The following FOXP1 variants were observed in gnomAD, a reference collection of about 807,000 sequenced individuals.
FOXP1 encodes the protein forkhead box P1, also known as forkhead box protein P1.
A neutral mutation model predicts 98.2 loss-of-function variants in FOXP1; 15 were observed. The ratio of observed to expected loss-of-function variants is 0.15; its 90% CI spans 0.10 to 0.24. FOXP1 has a LOEUF of 0.24. FOXP1 is among the 10% of genes least tolerant of loss of function. FOXP1 has a pLI of 1.00. For synonymous variants in FOXP1, 371 were observed against 314.5 expected (o/e 1.18, Z -1.90); for missense variants, 633 against 848.5 (o/e 0.75, Z 3.15).
Position 71,345,137 on chromosome 3 carries a change from C to T in FOXP1, c.-73+14013G>A, listed in dbSNP as rs373504556. ...GGGTGTGGTGGCTCACGCCTGTAAT[C>T]CCAGCACTTTGGGAGGCCAAGGCAG... On this transcript the variant is annotated intron_variant, in intron 4 of 20. Transcript: ENST00000649528. Among the ~76,000 whole-genome samples the T allele has an allele frequency of 2.6e-5, 4 of 152,192 alleles. No individual in the cohort carries two copies. In the South Asian group the frequency reaches 8.3e-4, roughly 32 times the overall value.
chr3:71,032,354 G>C (rs1280389026), intron 11 of FOXP1, among the ~76,000 whole-genome samples: 1 of 152,240 alleles, frequency 6.6e-6, no homozygotes, highest in African/African-American at 2.4e-5. Context: ...TTACAGTTAA[G>C]AGAATTCTCT....
intron 14 of FOXP1, among the ~76,000 whole-genome samples, chr3:70,982,016 T>G (rs1260058348): frequency 6.6e-6 from 1 of 152,164 alleles, no homozygotes; most frequent in Admixed American, 6.5e-5. Context: ...CTTTTAAACT[T>G]CTGTTTGATG....
chr3:71,136,626 C>T (rs1260595877), intron 6 of FOXP1, among the ~76,000 whole-genome samples: 2 of 152,184 alleles, frequency 1.3e-5, no homozygotes, highest in African/African-American at 2.4e-5. Flanking sequence ...CTGTAATCAG[C>T]TTCAGTAGAC....
intron 2 of FOXP1, among the ~76,000 whole-genome samples, chr3:71,545,554 G>T (rs2045292082): frequency 6.6e-6 from 1 of 152,120 alleles, no homozygotes; most frequent in Non-Finnish European, 1.5e-5. Flanking sequence ...ACTGCCTTAT[G>T]CAAATATTTA....
intron 6 of FOXP1, among the ~76,000 whole-genome samples, chr3:71,184,093 G>T (rs961322546): frequency 1.4e-4 from 22 of 152,070 alleles, no homozygotes; most frequent in Non-Finnish European, 2.2e-4. Context: ...CGGAGGTTGT[G>T]GTAAGCTGAG....
chr3:71,446,063 GAGTGAGTGAGTGAGT>G (rs2086396704), intron 3 of FOXP1, among the ~76,000 whole-genome samples: 2 of 151,866 alleles, frequency 1.3e-5, no homozygotes, highest in African/African-American at 4.8e-5. Context: ...GTGAGTGAGT[GAGTGAGTGAGTGAGT>G]GAGTGAATGA....
chr3:71,236,387 T>C (rs1340694840), intron 5 of FOXP1, among the ~76,000 whole-genome samples: 2 of 152,324 alleles, frequency 1.3e-5, no homozygotes, highest in East Asian at 1.9e-4. Flanking sequence ...CATGCTTTCA[T>C]TGCAGTTCTC....
At chr3:71,147,934 T>C (rs919559957) in intron 6 of FOXP1, among the ~76,000 whole-genome samples, 1 of 152,148 alleles carries the variant, frequency 6.6e-6, no homozygotes, top group African/African-American at 2.4e-5. Flanking sequence ...TAAAACAGCA[T>C]AGCAAAGACA....
At chr3:71,360,694 A>G (rs2078497134) in intron 3 of FOXP1, 1 of 152,144 alleles carries the variant, frequency 6.6e-6, no homozygotes, top group African/African-American at 2.4e-5. Context: ...GGAACTATAG[A>G]ATGGGTAGAA....
At chr3:71,126,884 C>A (rs13080355) in intron 6 of FOXP1, among the ~76,000 whole-genome samples, 158 of 79,954 alleles carry the variant, frequency 2.0e-3, no homozygotes, top group African/African-American at 3.2e-3. Flanking sequence ...AAAAAAAAAA[C>A]AAAAACAAAA....
chr3:71,099,277 G>A (rs1356226899), intron 7 of FOXP1, among the ~76,000 whole-genome samples: 2 of 152,124 alleles, frequency 1.3e-5, no homozygotes, highest in Non-Finnish European at 2.9e-5. Flanking sequence ...GTGGGAGGCC[G>A]AGGTGGGCAA....
rs187770635 is a variant in FOXP1, at chr3:71,110,218, A to C, written c.282+2318T>G. Among the ~76,000 whole-genome samples, 95 of 152,338 alleles carry C rather than the reference A, an allele frequency of 6.2e-4. 1 individual carries two copies. In the East Asian group the frequency reaches 0.016, roughly 25 times the overall value. On this transcript the variant is annotated intron_variant, in intron 7 of 20. Coordinates refer to ENST00000649528, the MANE Select transcript of FOXP1 (RefSeq NM_001349338.3). ...ATTTAGCCCTCAAGGAACTTCGTTCATCTTGGAAAAGAAGTTACCTAAAAA... is the reference window on the plus strand; with the variant it reads ...ATTTAGCCCTCAAGGAACTTCGTTCCTCTTGGAAAAGAAGTTACCTAAAAA...
At chr3:71,400,896 T>TA (rs2081917470) in intron 3 of FOXP1, among the ~76,000 whole-genome samples, 1 of 152,074 alleles carries the variant, frequency 6.6e-6, no homozygotes, top group African/African-American at 2.4e-5. Context: ...ACCCCAATAA[T>TA]AAACAGAGGC....
At position 70,958,207 on chromosome 3, in the gene FOXP1, AAAGAAAAGAAAAG is replaced by A. The variant is rs2106833022; in HGVS notation, c.*1027_*1039del. 2.2e-6 allele frequency: 1 copy of A among 446,970 alleles called. No homozygotes were observed. Among genetic ancestry groups the A allele is most frequent in the South Asian group, 2.1e-5 (1 of 47,836 alleles). 27.7% of individuals were successfully genotyped at this position (446,970 alleles called of 1,614,324 possible). A position where few individuals can be genotyped will look rare whatever the true frequency, so the allele number is the denominator to read the frequency against. ...ATTAATGGTTGCTGCAAAAAAAAAAAAAGAAAAGAAAAGAAAAAAAGAAAATCCGAAACACCCC... is the reference window on the plus strand; with the variant it reads ...ATTAATGGTTGCTGCAAAAAAAAAAAAAAAAAAGAAAATCCGAAACACCCC... On this transcript the variant is annotated 3_prime_UTR_variant, in exon 21 of 21. Transcript: ENST00000649528.
At chr3:71,558,122 T>C (rs1447569691) in intron 2 of FOXP1, among the ~76,000 whole-genome samples, 1 of 152,184 alleles carries the variant, frequency 6.6e-6, no homozygotes, top group African/African-American at 2.4e-5. Context: ...AGACAGTGTA[T>C]GCACAGCCTC....
At chr3:71,299,493 C>T (rs1287799179) in intron 5 of FOXP1, among the ~76,000 whole-genome samples, 1 of 152,302 alleles carries the variant, frequency 6.6e-6, no homozygotes, top group East Asian at 1.9e-4. Flanking sequence ...TTATGAATCA[C>T]CACTTTTGTG....
chr3:71,512,111 C>T (rs1366472999), intron 2 of FOXP1, among the ~76,000 whole-genome samples: 1 of 152,284 alleles, frequency 6.6e-6, no homozygotes, highest in Admixed American at 6.5e-5. Flanking sequence ...GAGAAAACCA[C>T]GGCTCAGAGA....
intron 5 of FOXP1, among the ~76,000 whole-genome samples, chr3:71,240,225 C>T (rs1359133086): frequency 6.6e-6 from 1 of 152,264 alleles, no homozygotes; most frequent in African/African-American, 2.4e-5. Flanking sequence ...TACACCCACT[C>T]AACTCCCACT....
intron 7 of FOXP1, among the ~76,000 whole-genome samples, chr3:71,056,677 T>C (rs1047868687): frequency 5.9e-5 from 9 of 152,224 alleles, no homozygotes; most frequent in African/African-American, 2.2e-4. Context: ...GCCTCCAAAG[T>C]GGGCTCCAGC....
Sources: gnomAD v4.1 joint callset for allele counts (sites outside exome capture counted in the v4.1 genomes callset) on GRCh38, gnomAD v4.1.1 for gene constraint, MANE v1.5 for transcripts, NCBI Gene and HGNC (gene_info 2026-07-23, HGNC 2026-07-21) for gene names.